Variants in TNS3 observed in about 807,000 individuals in gnomAD.
TNS3 encodes tensin 3.
Under a neutral mutation model 140.9 loss-of-function variants are expected in TNS3, and 45 were observed. The ratio of observed to expected loss-of-function variants is 0.32; its 90% CI spans 0.25 to 0.41. TNS3 has a LOEUF of 0.41. Among genes scored for constraint, TNS3 ranks in the 10% least tolerant of loss-of-function variants. TNS3 has a pLI of 1.00. For missense variants in TNS3, 1,716 were observed against 1,906.7 expected, an observed-to-expected ratio of 0.90 and a Z score of 1.86; for synonymous variants, 815 against 788.4, an observed-to-expected ratio of 1.03 and a Z score of -0.56.
At chr7:47,428,056 AT>A (rs547880108) in intron 9 of TNS3, among the ~76,000 whole-genome samples, 79 of 152,146 alleles carry the variant, frequency 5.2e-4, no homozygotes, top group African/African-American at 1.8e-3. Flanking sequence ...GGGGTCACTT[AT>A]TTTTTTAATG....
At chr7:47,419,810 C>G (rs966521701) in intron 10 of TNS3, among the ~76,000 whole-genome samples, 3 of 152,130 alleles carry the variant, frequency 2.0e-5, no homozygotes, top group Non-Finnish European at 4.4e-5. Context: ...GAAGTGGACT[C>G]AGAGGCAAAA....
chr7:47,386,992 C>G (rs796708673), intron 16 of TNS3, among the ~76,000 whole-genome samples: 1 of 152,196 alleles, frequency 6.6e-6, no homozygotes. Flanking sequence ...TCTTAGATAA[C>G]AGTAACAGAA....
At chr7:47,346,432 C>A in intron 17 of TNS3, 76 bp from the exon 18 acceptor site, 2 of 1,552,980 alleles carry the variant, frequency 1.3e-6, no homozygotes, top group Non-Finnish European at 1.8e-6. Context: ...TAAATCTTGC[C>A]TGCTGCTTCT....
chr7:47,472,122 C>T (rs527300236), intron 4 of TNS3, among the ~76,000 whole-genome samples: 25 of 152,366 alleles, frequency 1.6e-4, no homozygotes, highest in Non-Finnish European at 3.2e-4. Flanking sequence ...TCTGTCATCA[C>T]CTGGCTTTCT....
At chr7:47,288,713 C>G (rs1562761313) in intron 27 of TNS3, among the ~76,000 whole-genome samples, 1 of 152,192 alleles carries the variant, frequency 6.6e-6, no homozygotes, top group Admixed American at 6.5e-5. Context: ...AGGTCCCTCA[C>G]AAGGGAAAGG....
In TNS3 at chr7:47,435,343, C is replaced by A; in HGVS notation, c.263G>T (p.Cys88Phe). The change falls in exon 8 of 31, where the codon TGC (cysteine) becomes TTC (phenylalanine). Residue 88 changes from cysteine (C) to phenylalanine (F), a missense_variant. Around this residue, in one of 3 missense-constraint regions of TNS3, gnomAD observed 337 missense variants for 428.9 expected, o/e 0.79. Transcript: ENST00000311160. Reference protein sequence around the residue: ...APPLDKMCTICKAQESWLNSN... With the variant: ...APPLDKMCTIFKAQESWLNSN... ...GTTCAGCCAGGACTCCTGCGCCTTG[C>A]ATATGGTACACATCTTATCCAGGGG... 6.2e-7 allele frequency: 1 copy of A among 1,614,132 alleles called. No individual in the cohort carries two copies. The highest frequency in any genetic ancestry group is 8.5e-7 in the Non-Finnish European group (1 of 1,180,014).
intron 23 of TNS3, among the ~76,000 whole-genome samples, chr7:47,301,416 G>A (rs1786394474): frequency 6.6e-6 from 1 of 152,104 alleles, no homozygotes; most frequent in African/African-American, 2.4e-5. Context: ...ACGCTCAGCT[G>A]AGACACAGCA....
chr7:47,375,448 A>G (rs1335873609), intron 16 of TNS3, among the ~76,000 whole-genome samples: 3 of 152,334 alleles, frequency 2.0e-5, no homozygotes, highest in East Asian at 3.9e-4. Context: ...TCGCCTGGAA[A>G]AGGACCAGAA....
rs1192966376 is a variant in TNS3, at chr7:47,428,322, C to T, written c.379G>A (p.Val127Ile). Residue 127 changes from valine to isoleucine, a missense_variant, in exon 9 of 31, where the codon GTC becomes ATC. By Grantham distance (29) the Val-to-Ile change is conservative. This residue lies in a region of TNS3 where 337 missense variants were observed against 428.9 expected (regional missense o/e 0.79). Transcript: ENST00000311160. The part of the protein sequence containing the change: ...VISSYMHFTN[V>I]SASADQALDR... ...ACATCTTCATCCTACCTGGCTGAGA[C>T]GTTGGTGAAATGCATGTAGGATGAT... 6.2e-6 allele frequency: 9 copies of T among 1,445,002 alleles called. No homozygotes were observed. Among genetic ancestry groups the T allele is most frequent in the South Asian group, 4.7e-5 (3 of 63,722 alleles). The allele number at this position is 1,445,002 out of a possible 1,614,324, so 89.5% of individuals were successfully genotyped here. A position where few individuals can be genotyped will look rare whatever the true frequency, so the allele number is the denominator to read the frequency against.
chr7:47,298,299 G>A (rs1163319874), intron 23 of TNS3, among the ~76,000 whole-genome samples: 2 of 152,314 alleles, frequency 1.3e-5, no homozygotes, highest in African/African-American at 4.8e-5. Flanking sequence ...CGCCAACCCA[G>A]GGCCTCGCAC....
intron 3 of TNS3, among the ~76,000 whole-genome samples, chr7:47,485,381 G>A (rs1204300073): frequency 2.6e-5 from 4 of 152,222 alleles, no homozygotes; most frequent in Non-Finnish European, 4.4e-5. Flanking sequence ...TGTATGAGAA[G>A]CTGCGTCTCA....
chr7:47,324,236 T>TA (rs1289015588), intron 20 of TNS3, among the ~76,000 whole-genome samples: 2 of 152,252 alleles, frequency 1.3e-5, no homozygotes, highest in African/African-American at 2.4e-5. Context: ...ATCTTTGTGG[T>TA]AAGTCCTCAT....
intron 8 of TNS3, among the ~76,000 whole-genome samples, chr7:47,434,408 C>T (rs771532520): frequency 2.1e-4 from 32 of 152,118 alleles, no homozygotes; most frequent in Admixed American, 1.4e-3. Flanking sequence ...TAGGGAGCTG[C>T]CCATTAATGA....
intron 4 of TNS3, among the ~76,000 whole-genome samples, chr7:47,444,918 A>T (rs1285024696): frequency 6.6e-6 from 1 of 152,202 alleles, no homozygotes; most frequent in Admixed American, 6.5e-5. Flanking sequence ...GAAAAGTCAG[A>T]AAGTGTTGAA....
chr7:47,289,729 G>C (rs1785596163), intron 27 of TNS3, among the ~76,000 whole-genome samples: 1 of 152,172 alleles, frequency 6.6e-6, no homozygotes, highest in Non-Finnish European at 1.5e-5. Flanking sequence ...ATTAAACTTT[G>C]ATGAAAGATA....
At chr7:47,321,049 G>A (rs951081356) in intron 20 of TNS3, among the ~76,000 whole-genome samples, 1 of 152,206 alleles carries the variant, frequency 6.6e-6, no homozygotes, top group Non-Finnish European at 1.5e-5. Flanking sequence ...TCTGACTCTT[G>A]GAGCATGGGA....
intron 20 of TNS3, among the ~76,000 whole-genome samples, chr7:47,319,623 C>T (rs1307232151): frequency 6.6e-6 from 1 of 152,118 alleles, no homozygotes; most frequent in African/African-American, 2.4e-5. Context: ...GGGGGAGAAA[C>T]CTCCCCTGTA....
At chr7:47,500,488 G>C (rs1798171879) in intron 3 of TNS3, among the ~76,000 whole-genome samples, 1 of 152,204 alleles carries the variant, frequency 6.6e-6, no homozygotes, top group African/African-American at 2.4e-5. Context: ...AGCCTCCTCA[G>C]ACAGAAGTGT....
chr7:47,516,232 T>A (rs1798774577), intron 2 of TNS3, among the ~76,000 whole-genome samples: 1 of 152,200 alleles, frequency 6.6e-6, no homozygotes, highest in Non-Finnish European at 1.5e-5. Context: ...AGAGATTAAC[T>A]ACTCTAATGT....
Sources: gnomAD v4.1 joint callset for allele counts (sites outside exome capture counted in the v4.1 genomes callset) on GRCh38, gnomAD v4.1.1 for gene constraint, gnomAD v4.1.1 regional missense constraint, MANE v1.5 for transcripts, NCBI Gene and HGNC (gene_info 2026-07-23, HGNC 2026-07-21) for gene names.